The following CLSTN2 variants were observed in gnomAD, a reference collection of about 807,000 sequenced individuals.
CLSTN2 encodes the protein calsyntenin 2, also known as calsyntenin-2.
CLSTN2 carries 48 observed loss-of-function variants against 101.2 expected under a neutral mutation model. That is an observed-to-expected ratio of 0.47 (90% CI 0.38 to 0.60). The LOEUF (loss-of-function observed/expected upper bound fraction) is 0.60. Among genes scored for constraint, CLSTN2 ranks in the 20% least tolerant of loss-of-function variants. CLSTN2 has a pLI of 0.00. For synonymous variants in CLSTN2, 481 were observed against 463.6 expected (o/e 1.04, Z -0.48); for missense variants, 1,160 against 1,238.2 (o/e 0.94, Z 0.95).
intron 1 of CLSTN2, among the ~76,000 whole-genome samples, chr3:140,134,811 C>T (rs2009575552): frequency 6.6e-6 from 1 of 151,864 alleles, no homozygotes; most frequent in African/African-American, 2.4e-5. Flanking sequence ...AGCTGTCATT[C>T]CACTAATCCA....
intron 2 of CLSTN2, among the ~76,000 whole-genome samples, chr3:140,384,164 C>A (rs1006429959): frequency 7.2e-5 from 11 of 152,210 alleles, no homozygotes; most frequent in African/African-American, 2.4e-4. Context: ...AGGCAGTTGG[C>A]TGATAGGCTG....
At chr3:139,947,613 A>G (rs1241205949) in intron 1 of CLSTN2, among the ~76,000 whole-genome samples, 1 of 152,214 alleles carries the variant, frequency 6.6e-6, no homozygotes, top group Non-Finnish European at 1.5e-5. Flanking sequence ...TCACAATGAG[A>G]GTAAAAAGAA....
chr3:139,967,005 C>T (rs930260937), intron 1 of CLSTN2, among the ~76,000 whole-genome samples: 3 of 152,118 alleles, frequency 2.0e-5, no homozygotes, highest in Non-Finnish European at 2.9e-5. Flanking sequence ...GGGGCATACA[C>T]GTGAGTAAAT....
At chr3:140,160,672 G>T (rs2010031424) in intron 1 of CLSTN2, among the ~76,000 whole-genome samples, 4 of 151,472 alleles carry the variant, frequency 2.6e-5, no homozygotes, top group Admixed American at 6.6e-5. Flanking sequence ...ATCCCCAGAA[G>T]TATTGGTGTA....
chr3:140,314,926 G>A (rs2087214527), intron 2 of CLSTN2, among the ~76,000 whole-genome samples: 1 of 152,158 alleles, frequency 6.6e-6, no homozygotes, highest in African/African-American at 2.4e-5. Context: ...TTTCATTCAT[G>A]AACAACCTCT....
chr3:140,521,045 T>A (rs1236703999), intron 8 of CLSTN2, among the ~76,000 whole-genome samples: 1 of 141,756 alleles, frequency 7.1e-6, no homozygotes, highest in Admixed American at 7.7e-5. Flanking sequence ...TTAGCTTTTT[T>A]GCATTTTTTT....
intron 2 of CLSTN2, among the ~76,000 whole-genome samples, chr3:140,289,380 G>A (rs2086928878): frequency 6.6e-6 from 1 of 151,782 alleles, no homozygotes; most frequent in East Asian, 1.9e-4. Flanking sequence ...GGGGAGAGGA[G>A]CTGTATTCCC....
chr3:140,171,685 AAT>A (rs373652469), intron 1 of CLSTN2, among the ~76,000 whole-genome samples: 3 of 8,506 alleles, frequency 3.5e-4, no homozygotes, highest in Non-Finnish European at 6.8e-4. Flanking sequence ...TATTATATAT[AAT>A]ATATATTAAT....
chr3:140,359,660 TG>T (rs1286415038), intron 2 of CLSTN2, among the ~76,000 whole-genome samples: 2 of 152,214 alleles, frequency 1.3e-5, no homozygotes, highest in Non-Finnish European at 2.9e-5. Context: ...CCTCACCTCT[TG>T]TCATTTGGGT....
At chr3:139,971,065 A>C (rs752223293) in intron 1 of CLSTN2, among the ~76,000 whole-genome samples, 10 of 152,144 alleles carry the variant, frequency 6.6e-5, no homozygotes, top group Non-Finnish European at 1.3e-4. Flanking sequence ...TCTTCTTTGC[A>C]CTCATTTGCT....
At chr3:140,326,817 C>T (rs572510453) in intron 2 of CLSTN2, among the ~76,000 whole-genome samples, 2 of 152,128 alleles carry the variant, frequency 1.3e-5, no homozygotes, top group East Asian at 1.9e-4. Context: ...CTGTGTAATT[C>T]GGTGTGACAT....
intron 1 of CLSTN2, among the ~76,000 whole-genome samples, chr3:139,991,573 A>G (rs1459471654): frequency 1.3e-5 from 2 of 152,264 alleles, no homozygotes; most frequent in African/African-American, 4.8e-5. Flanking sequence ...TTTAAAGGCC[A>G]GAGTTTCAAT....
chr3:140,309,021 C>T (rs2087139441), intron 2 of CLSTN2, among the ~76,000 whole-genome samples: 1 of 152,200 alleles, frequency 6.6e-6, no homozygotes, highest in East Asian at 1.9e-4. Context: ...GTTATTTATT[C>T]ATTTGTTTAT....
chr3:140,131,571 C>A (rs2107804353), intron 1 of CLSTN2, among the ~76,000 whole-genome samples: 1 of 152,284 alleles, frequency 6.6e-6, no homozygotes, highest in East Asian at 1.9e-4. Context: ...CCCTTGGTGG[C>A]AACAGGCAGA....
chr3:140,509,475 G>C (rs556831799), intron 8 of CLSTN2, among the ~76,000 whole-genome samples: 4 of 152,188 alleles, frequency 2.6e-5, no homozygotes, highest in African/African-American at 4.8e-5. Flanking sequence ...GAGAACCACT[G>C]TTCTGAGGCA....
At chr3:139,951,163 A>G (rs699164) in intron 1 of CLSTN2, among the ~76,000 whole-genome samples, 123,556 of 152,082 alleles carry the variant, frequency 0.81, 53,293 homozygotes, top group East Asian at 0.96. Context: ...GGGCCATTCA[A>G]GCAGAGTGGT....
At chr3:140,489,088 T>G (rs1934292029) in intron 8 of CLSTN2, among the ~76,000 whole-genome samples, 3 of 152,136 alleles carry the variant, frequency 2.0e-5, no homozygotes, top group Admixed American at 2.0e-4. Flanking sequence ...GGATACAGAT[T>G]TAAGTGATAA....
At chr3:139,982,919 G>T (rs1283638750) in intron 1 of CLSTN2, among the ~76,000 whole-genome samples, 1 of 150,918 alleles carries the variant, frequency 6.6e-6, no homozygotes, top group Non-Finnish European at 1.5e-5. Flanking sequence ...GTATTACATA[G>T]ACTATACACA....
chr3:140,363,947 C>T (rs1217242353), intron 2 of CLSTN2, among the ~76,000 whole-genome samples: 1 of 152,190 alleles, frequency 6.6e-6, no homozygotes, highest in Non-Finnish European at 1.5e-5. Flanking sequence ...CTCTCATTCG[C>T]AAACCAAGAG....
Sources: gnomAD v4.1 joint callset for allele counts (sites outside exome capture counted in the v4.1 genomes callset) on GRCh38, gnomAD v4.1.1 for gene constraint, MANE v1.5 for transcripts, NCBI Gene and HGNC (gene_info 2026-07-23, HGNC 2026-07-21) for gene names.